HIPK2: variants seen among roughly 807,000 people sequenced by gnomAD.
The protein encoded by HIPK2 is homeodomain interacting protein kinase 2, also known as homeodomain-interacting protein kinase 2.
A neutral mutation model predicts 113.7 loss-of-function variants in HIPK2; 27 were observed. The observed-to-expected ratio is 0.24, with a 90% CI of 0.17 to 0.33. The LOEUF (loss-of-function observed/expected upper bound fraction) is 0.33. Among genes scored for constraint, HIPK2 ranks in the 10% least tolerant of loss-of-function variants. HIPK2 has a pLI of 1.00. For synonymous variants in HIPK2, 631 were observed against 642.2 expected (o/e 0.98, Z 0.26); for missense variants, 1,257 against 1,588.0 (o/e 0.79, Z 3.54).
rs574425840 is a variant in HIPK2, at chr7:139,766,803, T to A, written c.19+10802A>T. ...AAATCATAGAGCTCTTAAATATTAG[T>A]TAATAATAGTGTATTACTATTGTGA... On this transcript the variant is annotated intron_variant, in intron 1 of 14. Coordinates refer to ENST00000406875, the MANE Select transcript of HIPK2 (RefSeq NM_022740.5). 2.0e-5 allele frequency among the ~76,000 whole-genome samples: 3 copies of A among 152,342 alleles called. 1 individual carries two copies. The highest frequency in any genetic ancestry group is 7.2e-5 in the African/African-American group (3 of 41,576).
At chr7:139,685,298 G>A (rs1794182139) in intron 2 of HIPK2, among the ~76,000 whole-genome samples, 1 of 152,052 alleles carries the variant, frequency 6.6e-6, no homozygotes, top group African/African-American at 2.4e-5. Context: ...AGCCTCTCAA[G>A]TAGCTGGGAT....
chr7:139,736,369 G>C (rs138521347), intron 1 of HIPK2, among the ~76,000 whole-genome samples: 1 of 152,330 alleles, frequency 6.6e-6, no homozygotes, highest in Non-Finnish European at 1.5e-5. Flanking sequence ...CTGGTAGACA[G>C]AGGGGCCAAT....
At chr7:139,582,702 G>A (rs970563017) in intron 13 of HIPK2, among the ~76,000 whole-genome samples, 9 of 152,270 alleles carry the variant, frequency 5.9e-5, no homozygotes, top group African/African-American at 2.2e-4. Context: ...GCCTGTGGCT[G>A]TCACCATCTC....
chr7:139,681,528 C>T (rs1352031618), intron 2 of HIPK2, among the ~76,000 whole-genome samples: 2 of 152,164 alleles, frequency 1.3e-5, no homozygotes, highest in Admixed American at 6.5e-5. Context: ...GCACTCCCCT[C>T]GCCTCCTCCC....
At chr7:139,651,443 G>C (rs1206867697) in intron 2 of HIPK2, among the ~76,000 whole-genome samples, 1 of 152,160 alleles carries the variant, frequency 6.6e-6, no homozygotes. Flanking sequence ...AAAATCAAAA[G>C]CTCTGGCAAC....
At position 139,604,077 on chromosome 7, in the gene HIPK2, T is replaced by C. The variant is rs1585264266; in HGVS notation, c.2255+4A>G. On this transcript the variant is annotated splice_donor_region_variant and intron_variant, in intron 10 of 14. Transcript: ENST00000406875. ...CACTCACCCTAGAGGGGTTTCCTGC[T>C]TACCTCCAGTCCGCCAGCTGCTGGG... 1 of 1,613,820 alleles carries C rather than the reference T, an allele frequency of 6.2e-7. No homozygotes were observed. Among genetic ancestry groups the C allele is most frequent in the African/African-American group, 1.3e-5 (1 of 75,048 alleles).
At position 139,631,117 on chromosome 7, in the gene HIPK2, C is replaced by T; in HGVS notation, c.1347+48G>A. ...CCACTAATGGGTCTACGGCCCTCTT[C>T]CCTAAGCGCTGGGCCACTGTGAGGA... On this transcript the variant is annotated intron_variant, in intron 4 of 14. Transcript: ENST00000406875. The surrounding 1 kb of genome is among the most constrained non-coding windows in gnomAD (Gnocchi z 4.9). The T allele has an allele frequency of 1.3e-6, 2 of 1,572,658 alleles. No homozygotes were observed. The highest frequency in any genetic ancestry group is 1.7e-6 in the Non-Finnish European group (2 of 1,158,346).
At chr7:139,649,304 A>G (rs1217273378) in intron 2 of HIPK2, among the ~76,000 whole-genome samples, 1 of 152,158 alleles carries the variant, frequency 6.6e-6, no homozygotes, top group Non-Finnish European at 1.5e-5. Flanking sequence ...GTACACGCGC[A>G]AATGTTACAG....
chr7:139,663,787 T>C (rs903780531), intron 2 of HIPK2, among the ~76,000 whole-genome samples: 2 of 152,210 alleles, frequency 1.3e-5, no homozygotes, highest in African/African-American at 4.8e-5. Context: ...GTGCTGACCT[T>C]TGAAGCTGGA....
In HIPK2 at chr7:139,714,337, G is replaced by A. The variant is rs1795156474; in HGVS notation, c.1103+1595C>T. On this transcript the variant is annotated intron_variant, in intron 2 of 14. Coordinates refer to ENST00000406875, the MANE Select transcript of HIPK2 (RefSeq NM_022740.5). The surrounding 1 kb of genome is among the most constrained non-coding windows in gnomAD (Gnocchi z 4.2). ...TGTGTGAGTCAGGATTAGGATGAAA[G>A]GAGACGGGGTGGAAGGTGGGAGGGC... Among the ~76,000 whole-genome samples, 1 of 152,210 alleles carries A rather than the reference G, an allele frequency of 6.6e-6. No individual in the cohort carries two copies. The highest frequency in any genetic ancestry group is 1.5e-5 in the Non-Finnish European group (1 of 68,032).
chr7:139,694,292 G>T (rs28571622), intron 2 of HIPK2, among the ~76,000 whole-genome samples: 3 of 152,088 alleles, frequency 2.0e-5, no homozygotes, highest in Non-Finnish European at 4.4e-5. Context: ...GTCCTTACAC[G>T]CTCCACAAGA....
In HIPK2 at chr7:139,725,757, G is replaced by A. The variant is rs140368806; in HGVS notation, c.20-8742C>T. ...TATGTCAGACTCCAGGTGTTTGCTC[G>A]ATACAACAAAACTACAGTGTTTCCC... is the stretch of plus-strand genomic sequence containing the variant. On this transcript the variant is annotated intron_variant, in intron 1 of 14. Transcript: ENST00000406875. Among the ~76,000 whole-genome samples the A allele has an allele frequency of 3.1e-3, 466 of 152,274 alleles. 2 individuals are homozygous for A. The highest frequency in any genetic ancestry group is 0.011 in the African/African-American group (442 of 41,558).
At position 139,564,351 on chromosome 7, in the gene HIPK2, G is replaced by A. The variant is rs1199798258; in HGVS notation, c.*8576C>T. The A allele has an allele frequency of 6.1e-6, 1 of 164,340 alleles. No homozygotes were observed. Among genetic ancestry groups the A allele is most frequent in the Non-Finnish European group, 1.3e-5 (1 of 76,296 alleles). 10.2% of individuals were successfully genotyped at this position (164,340 alleles called of 1,614,324 possible). On this transcript the variant is annotated 3_prime_UTR_variant, in exon 15 of 15. Coordinates refer to ENST00000406875, the MANE Select transcript of HIPK2 (RefSeq NM_022740.5). ...TGCCTTCATGGTCACCTGAATCCCA[G>A]TCTCTTCTACTGCCTGGTGCCTGGA...
chr7:139,697,670 G>A lies in HIPK2; in HGVS notation c.1103+18262C>T, dbSNP rs941845231. On this transcript the variant is annotated intron_variant, in intron 2 of 14. Transcript: ENST00000406875. The stretch of plus-strand genomic sequence containing the variant: ...TAATTTATTGAGGTGAATCACATGC[G>A]TAAAATTAGTCTTTTTAAAGTGAAC... 5.3e-5 allele frequency among the ~76,000 whole-genome samples: 8 copies of A among 151,624 alleles called. No individual in the cohort carries two copies. The South Asian group carries it at 1.0e-3, about 20-fold the overall frequency.
chr7:139,646,530 A>G (rs1294316176), intron 2 of HIPK2, among the ~76,000 whole-genome samples: 2 of 149,010 alleles, frequency 1.3e-5, no homozygotes, highest in Admixed American at 1.3e-4. Context: ...GGAAAGAAAG[A>G]AAAGAAAGTT....
chr7:139,761,333 A>G (rs1796460821), intron 1 of HIPK2, among the ~76,000 whole-genome samples: 1 of 152,268 alleles, frequency 6.6e-6, no homozygotes. Flanking sequence ...GTTATACCAC[A>G]CAAGTCACTT....
rs1442148738 is a variant in HIPK2 at position 139,716,207 on chromosome 7, G to C, written c.828C>G (p.Val276=). Residue 276 remains valine, a synonymous_variant, in exon 2 of 15, where the codon GTC becomes GTG. Transcript: ENST00000406875. The surrounding 1 kb of genome is among the most constrained non-coding windows in gnomAD (Gnocchi z 9.3). ...AGAGGTTCTGCTCCAACATCTCGAA[G>C]ACCAAGCACGTGTGGTTCTTGTGCT... The part of the protein sequence containing the change: ...CFQHKNHTCL[V]FEMLEQNLYD... 6.2e-7 allele frequency: 1 copy of C among 1,614,040 alleles called. No individual in the cohort carries two copies. Among genetic ancestry groups the C allele is most frequent in the East Asian group, 2.2e-5 (1 of 44,896 alleles).
chr7:139,747,202 C>G (rs61544990), intron 1 of HIPK2, among the ~76,000 whole-genome samples: 392 of 152,270 alleles, frequency 2.6e-3, no homozygotes, highest in African/African-American at 8.5e-3. Context: ...CCTGCAGCAG[C>G]CATCAATTCA....
rs1231309890 is a variant in HIPK2 at position 139,613,281 on chromosome 7, C to T, written c.2033G>A (p.Arg678Gln). The change falls in exon 9 of 15, where the codon CGA becomes CAA. Residue 678 changes from arginine (R) to glutamine (Q), a missense_variant. Physicochemically the swap from Arg to Gln is conservative, Grantham distance 43. Coordinates refer to ENST00000406875, the MANE Select transcript of HIPK2 (RefSeq NM_022740.5). The surrounding 1 kb of genome is among the most constrained non-coding windows in gnomAD (Gnocchi z 4.2). ...GACGATGGGAACTGCATTTTCCATT[C>T]GCACCGAGTAGCCAGCGTGCTTAGA... Reference protein sequence around the residue: ...SPSKHAGYSVRMENAVPIVTQ... With the variant: ...SPSKHAGYSVQMENAVPIVTQ... 2.5e-6 allele frequency: 4 copies of T among 1,613,582 alleles called. No individual in the cohort carries two copies. The highest frequency in any genetic ancestry group is 1.3e-5 in the African/African-American group (1 of 75,030).
Sources: gnomAD v4.1 joint callset for allele counts (sites outside exome capture counted in the v4.1 genomes callset) on GRCh38, gnomAD v4.1.1 for gene constraint, Gnocchi (gnomAD v3.1) non-coding constraint, MANE v1.5 for transcripts, NCBI Gene and HGNC (gene_info 2026-07-23, HGNC 2026-07-21) for gene names.